The following SLC46A3 variants were observed in gnomAD, a reference collection of about 807,000 sequenced individuals.
SLC46A3 encodes lysosomal proton-coupled steroid conjugate and bile acid symporter SLC46A3.
In SLC46A3, 26 loss-of-function variants were observed where a neutral mutation model predicts 38.5. That is an observed-to-expected ratio of 0.68 (90% CI 0.49 to 0.94). SLC46A3 has a LOEUF of 0.94. Among genes scored for constraint, SLC46A3 ranks in the 40% least tolerant of loss-of-function variants. The probability of loss-of-function intolerance (pLI) is 0.00; values close to 1 mark genes in which losing one functional copy is unlikely to be tolerated. For synonymous variants in SLC46A3, 185 were observed against 192.5 expected (o/e 0.96, Z 0.32); for missense variants, 510 against 544.3 (o/e 0.94, Z 0.63).
chr13:28,705,299 G>A (rs1423984266), intron 4 of SLC46A3, among the ~76,000 whole-genome samples: 1 of 152,078 alleles, frequency 6.6e-6, no homozygotes, highest in African/African-American at 2.4e-5. Flanking sequence ...GTGTTTGCTT[G>A]GACTGATAGG....
intron 4 of SLC46A3, among the ~76,000 whole-genome samples, chr13:28,706,956 T>G (rs1362832539): frequency 6.6e-6 from 1 of 152,204 alleles, no homozygotes; most frequent in Non-Finnish European, 1.5e-5. Context: ...TTGGTGGGAC[T>G]GTAAACTAGT....
At chr13:28,705,236 T>C (rs1566119431) in intron 4 of SLC46A3, among the ~76,000 whole-genome samples, 1 of 152,232 alleles carries the variant, frequency 6.6e-6, no homozygotes, top group Non-Finnish European at 1.5e-5. Flanking sequence ...TACTTTTCCA[T>C]GAAAAACTGC....
At chr13:28,704,980 T>G (rs886085096) in intron 4 of SLC46A3, among the ~76,000 whole-genome samples, 2 of 152,208 alleles carry the variant, frequency 1.3e-5, no homozygotes, top group African/African-American at 4.8e-5. Context: ...ATTCTACCTA[T>G]GTTTAGTTTT....
chr13:28,705,725 G>A (rs941670346), intron 4 of SLC46A3, among the ~76,000 whole-genome samples: 2 of 152,180 alleles, frequency 1.3e-5, no homozygotes, highest in Non-Finnish European at 2.9e-5. Flanking sequence ...GTAGCATGCA[G>A]ACTTACTGCC....
Position 28,713,627 on chromosome 13 carries a change from C to CT in SLC46A3, c.190-78dup, listed in dbSNP as rs200956692. On this transcript the variant is annotated intron_variant, in intron 2 of 5. Transcript: ENST00000266943. The stretch of plus-strand genomic sequence containing the variant: ...GTATAAAAATATCATGGTGCATATG[C>CT]TTTTTTCCCTGTGGCCAGTAGGTTA... 2,079 of 1,416,156 alleles carry CT rather than the reference C, an allele frequency of 1.5e-3. 31 individuals are homozygous for CT. The African/African-American group carries it at 0.027, about 18-fold the overall frequency. 87.7% of individuals were successfully genotyped at this position (1,416,156 alleles called of 1,614,324 possible). A position where few individuals can be genotyped will look rare whatever the true frequency, so the allele number is the denominator to read the frequency against.
chr13:28,717,423 T>A (rs954180423), intron 2 of SLC46A3, among the ~76,000 whole-genome samples: 1 of 150,238 alleles, frequency 6.7e-6, no homozygotes, highest in Non-Finnish European at 1.5e-5. Context: ...AGAAACACCA[T>A]GTTTCAGCCA....
rs1885020828 is a variant in SLC46A3, at chr13:28,701,537, A to G, written c.1346T>C (p.Leu449Pro). The change falls in exon 6 of 6, where the codon CTT becomes CCT. Residue 449 changes from leucine (L) to proline (P), a missense_variant. By Grantham distance (98) the Leu-to-Pro change is moderately conservative. Coordinates refer to ENST00000266943, the MANE Select transcript of SLC46A3 (RefSeq NM_181785.4). ...TSWNEGSYELLIQEESSEDAS... is the reference protein window; with the variant it reads ...TSWNEGSYELPIQEESSEDAS... ...ATCTTCACTGGATTCTTCTTGTATA[A>G]GAAGTTCATAGCTTCCCTCATTCCA... 3.7e-6 allele frequency: 6 copies of G among 1,613,544 alleles called. No homozygotes were observed. The East Asian group carries it at 6.7e-5, about 18-fold the overall frequency.
chr13:28,706,040 AAAGGAT>A (rs1174969728), intron 4 of SLC46A3, among the ~76,000 whole-genome samples: 1 of 152,200 alleles, frequency 6.6e-6, no homozygotes, highest in East Asian at 1.9e-4. Context: ...AAACAGGATT[AAAGGAT>A]AAGTACAACT....
chr13:28,714,361 G>T (rs1382604399), intron 2 of SLC46A3, among the ~76,000 whole-genome samples: 3 of 151,792 alleles, frequency 2.0e-5, no homozygotes, highest in African/African-American at 7.3e-5. Context: ...TATAATCCCA[G>T]CACTGTGGGA....
At chr13:28,718,109 G>T in intron 1 of SLC46A3, 87 bp from the exon 2 acceptor site, 1 of 1,097,940 alleles carries the variant, frequency 9.1e-7, no homozygotes, top group Non-Finnish European at 1.3e-6. Context: ...CAATTTTGTG[G>T]AGTAAATGTT....
chr13:28,718,092 GTT>G, intron 1 of SLC46A3, 70 bp from the exon 2 acceptor site: 2 of 1,315,582 alleles, frequency 1.5e-6, no homozygotes, highest in Non-Finnish European at 2.1e-6. Context: ...AGATGGGTAA[GTT>G]TGAGCAATTT....
Position 28,704,004 on chromosome 13 carries a change from AC to A in SLC46A3, c.1239del (p.Trp413CysfsTer70). On this transcript the variant is annotated frameshift_variant, in exon 5 of 6. Transcript: ENST00000266943. LOFTEE classifies it high-confidence loss of function. Reference sequence around the variant, plus strand: ...GACAGCAGGAAAGTGAAGCCAGGGTACCAAGCAACAGTGGCTGAGTAAATTC... The same window carrying A: ...GACAGCAGGAAAGTGAAGCCAGGGTACAAGCAACAGTGGCTGAGTAAATTC... ...FNGIYSATVA[W>X]YPGFTFLLSA... The A allele has an allele frequency of 6.2e-7, 1 of 1,613,766 alleles. No homozygotes were observed. The highest frequency in any genetic ancestry group is 8.5e-7 in the Non-Finnish European group (1 of 1,179,750).
At position 28,700,787 on chromosome 13, in the gene SLC46A3, T is replaced by G; in HGVS notation, c.*710A>C. The G allele has an allele frequency of 1.8e-6, 1 of 551,308 alleles. No homozygotes were observed. The highest frequency in any genetic ancestry group is 3.2e-6 in the Non-Finnish European group (1 of 313,150). 34.2% of individuals were successfully genotyped at this position (551,308 alleles called of 1,614,324 possible). A position where few individuals can be genotyped will look rare whatever the true frequency, so the allele number is the denominator to read the frequency against. On this transcript the variant is annotated 3_prime_UTR_variant, in exon 6 of 6. Transcript: ENST00000266943. Reference sequence around the variant, plus strand: ...TTACCCATTACATATAGAAATATTATCATGCCTGTCACCGATGAAACATAT... The same window carrying G: ...TTACCCATTACATATAGAAATATTAGCATGCCTGTCACCGATGAAACATAT...
chr13:28,705,855 A>C (rs1032388715), intron 4 of SLC46A3, among the ~76,000 whole-genome samples: 4 of 152,208 alleles, frequency 2.6e-5, no homozygotes, highest in Non-Finnish European at 5.9e-5. Flanking sequence ...AGTGCTATGG[A>C]AAACAGACTG....
Position 28,701,351 on chromosome 13 carries a change from GTC to G in SLC46A3, c.*144_*145del, listed in dbSNP as rs2137816524. The G allele has an allele frequency of 7.0e-7, 1 of 1,438,002 alleles. No individual in the cohort carries two copies. Among genetic ancestry groups the G allele is most frequent in the Non-Finnish European group, 9.1e-7 (1 of 1,096,860 alleles). The allele number at this position is 1,438,002 out of a possible 1,614,324, so 89.1% of individuals were successfully genotyped here. A position where few individuals can be genotyped will look rare whatever the true frequency, so the allele number is the denominator to read the frequency against. On this transcript the variant is annotated 3_prime_UTR_variant, in exon 6 of 6. Transcript: ENST00000266943. ...CCACAAGAAGCTAAAGCCAGGAGCT[GTC>G]TCTCTGACTGTTCAGTTTAGAAGAA...
At chr13:28,714,393 T>C (rs956616790) in intron 2 of SLC46A3, among the ~76,000 whole-genome samples, 2 of 152,172 alleles carry the variant, frequency 1.3e-5, no homozygotes, top group African/African-American at 4.8e-5. Flanking sequence ...GAGCATCACT[T>C]GTGCCCAGGA....
At chr13:28,702,458 G>T (rs1308578977) in intron 5 of SLC46A3, among the ~76,000 whole-genome samples, 1 of 152,056 alleles carries the variant, frequency 6.6e-6, no homozygotes, top group Non-Finnish European at 1.5e-5. Flanking sequence ...GTTTCTAAAA[G>T]GAATTGCTGG....
Position 28,713,251 on chromosome 13 carries a change from T to C in SLC46A3, c.489A>G (p.Lys163=). The change falls in exon 3 of 6, where the codon AAA becomes AAG. Residue 163 remains lysine, a synonymous_variant. Coordinates refer to ENST00000266943, the MANE Select transcript of SLC46A3 (RefSeq NM_181785.4). ...TGATAGCTATTCGAATTGTTTTTTG[T>C]TTGTGTTCTTTACACTGATCAACTA... The part of the protein sequence containing the change: ...AYIVDQCKEH[K]QKTIRIAIID... 1 of 1,614,014 alleles carries C rather than the reference T, an allele frequency of 6.2e-7. No individual in the cohort carries two copies. Among genetic ancestry groups the C allele is most frequent in the Non-Finnish European group, 8.5e-7 (1 of 1,180,030 alleles).
intron 5 of SLC46A3, among the ~76,000 whole-genome samples, chr13:28,702,124 G>A (rs1885040696): frequency 6.6e-6 from 1 of 151,670 alleles, no homozygotes; most frequent in Non-Finnish European, 1.5e-5. Context: ...TTTTCTTTAA[G>A]TGTTATTTTC....
Sources: allele counts gnomAD v4.1 joint callset (sites outside exome capture counted in the v4.1 genomes callset), GRCh38; gene constraint gnomAD v4.1.1; transcripts MANE v1.5; gene names NCBI Gene and HGNC (gene_info 2026-07-23, HGNC 2026-07-21).